The following KCNMA1 variants were observed in gnomAD, a reference collection of about 807,000 sequenced individuals.
KCNMA1 encodes the protein potassium calcium-activated channel subfamily M alpha 1, also known as Calcium-activated potassium channel subunit alpha-1.
Under a neutral mutation model 140.0 loss-of-function variants are expected in KCNMA1, and 29 were observed. The ratio of observed to expected loss-of-function variants is 0.21; its 90% CI spans 0.15 to 0.28. KCNMA1 has a LOEUF of 0.28. Among genes scored for constraint, KCNMA1 ranks in the 10% least tolerant of loss-of-function variants. The pLI is 1.00. For synonymous variants in KCNMA1, 612 were observed against 611.9 expected (o/e 1.00, Z 0.00); for missense variants, 880 against 1,602.2 (o/e 0.55, Z 7.70).
intron 1 of KCNMA1, among the ~76,000 whole-genome samples, chr10:77,500,813 T>G (rs941523838): frequency 6.6e-6 from 1 of 152,236 alleles, no homozygotes; most frequent in Non-Finnish European, 1.5e-5. Context: ...CTGGAATTTC[T>G]GCGTTAACTG....
intron 1 of KCNMA1, among the ~76,000 whole-genome samples, chr10:77,471,317 C>G (rs924994979): frequency 1.3e-5 from 2 of 151,156 alleles, no homozygotes; most frequent in Non-Finnish European, 3.0e-5. Flanking sequence ...ACAGTGCACA[C>G]CACACACAAC....
chr10:77,050,287 T>TAAAAAAAAAAAAAAAAAA (rs1469786570), intron 14 of KCNMA1, among the ~76,000 whole-genome samples: 1 of 142,954 alleles, frequency 7.0e-6, no homozygotes, highest in African/African-American at 2.6e-5. Context: ...AAAAAAAAAA[T>TAAAAAAAAAAAAAAAAAA]AAAAAAACAA....
At chr10:76,985,229 T>C (rs1489720558) in intron 19 of KCNMA1, among the ~76,000 whole-genome samples, 1 of 152,236 alleles carries the variant, frequency 6.6e-6, no homozygotes, top group East Asian at 1.9e-4. Context: ...CCAATTCTAA[T>C]ATGTAAAGCA....
intron 22 of KCNMA1, among the ~76,000 whole-genome samples, chr10:76,945,293 C>G (rs1242713804): frequency 2.0e-5 from 3 of 152,116 alleles, no homozygotes; most frequent in East Asian, 3.9e-4. Flanking sequence ...TTCTTCCTGC[C>G]TGGAAATTGT....
intron 13 of KCNMA1, among the ~76,000 whole-genome samples, chr10:77,074,407 T>C (rs1231845783): frequency 1.3e-5 from 2 of 152,218 alleles, no homozygotes; most frequent in Non-Finnish European, 2.9e-5. Flanking sequence ...AATGATCAAC[T>C]GAATAACTTC....
chr10:77,601,211 G>T (rs2082531976), intron 1 of KCNMA1, among the ~76,000 whole-genome samples: 1 of 152,096 alleles, frequency 6.6e-6, no homozygotes, highest in Admixed American at 6.5e-5. Flanking sequence ...AGGTCACTGG[G>T]GCTCACGTGG....
At chr10:76,923,438 A>G (rs1206625324) in intron 23 of KCNMA1, among the ~76,000 whole-genome samples, 2 of 152,040 alleles carry the variant, frequency 1.3e-5, no homozygotes, top group Non-Finnish European at 2.9e-5. Flanking sequence ...CAAAAAAAAA[A>G]AAAAAAAGAA....
Position 77,108,384 on chromosome 10 carries a change from G to A in KCNMA1, c.1223+97C>T. ...CGTAGCGGGCAAACATTGCCTACAT[G>A]CATGAAACAAAGAAACAAGAGCCAA... On this transcript the variant is annotated intron_variant, in intron 9 of 27. Coordinates refer to ENST00000286628, the MANE Select transcript of KCNMA1 (RefSeq NM_001161352.2). This position sits in a 1 kb window ranked among gnomAD's most constrained non-coding sequence, Gnocchi z 4.6. The A allele has an allele frequency of 6.3e-7, 1 of 1,590,690 alleles. No homozygotes were observed. The highest frequency in any genetic ancestry group is 8.5e-7 in the Non-Finnish European group (1 of 1,175,366).
intron 2 of KCNMA1, among the ~76,000 whole-genome samples, chr10:77,303,665 T>C (rs2077034359): frequency 6.6e-6 from 1 of 152,152 alleles, no homozygotes; most frequent in South Asian, 2.1e-4. Flanking sequence ...TGCTCTGACC[T>C]TGCCTGACCT....
chr10:77,421,017 T>C (rs12768649), intron 1 of KCNMA1, among the ~76,000 whole-genome samples: 20,266 of 152,316 alleles, frequency 0.13, 1,753 homozygotes, highest in Non-Finnish European at 0.18. Flanking sequence ...CCCTTGCTCT[T>C]AGGCAAAAGT....
At chr10:77,213,229 G>T (rs1337406803) in intron 3 of KCNMA1, among the ~76,000 whole-genome samples, 7 of 152,206 alleles carry the variant, frequency 4.6e-5, no homozygotes, top group African/African-American at 1.7e-4. Context: ...CTCTAACCCT[G>T]GCTGAATGGA....
intron 2 of KCNMA1, among the ~76,000 whole-genome samples, chr10:77,384,408 G>A (rs1487674279): frequency 6.6e-6 from 1 of 152,192 alleles, no homozygotes; most frequent in Non-Finnish European, 1.5e-5. Context: ...TTTCCCTGGT[G>A]CTCGGATCAT....
intron 24 of KCNMA1, chr10:76,912,254 G>A: frequency 6.6e-6 from 1 of 152,234 alleles, no homozygotes; most frequent in East Asian, 1.9e-4. Context: ...TGAAACAGCT[G>A]TAACACAGTC....
chr10:77,174,220 AG>A (rs1210868139), intron 5 of KCNMA1, among the ~76,000 whole-genome samples: 1 of 152,136 alleles, frequency 6.6e-6, no homozygotes, highest in East Asian at 1.9e-4. Context: ...AGGGTGGTAG[AG>A]GGTTCCTTTT....
intron 2 of KCNMA1, among the ~76,000 whole-genome samples, chr10:77,252,525 T>TTGTGTGTGTG (rs139774027): frequency 0.018 from 2,569 of 145,788 alleles, 72 homozygotes; most frequent in East Asian, 0.11. Context: ...TGATCAAGCT[T>TTGTGTGTGTG]TGTGTGTGTG....
chr10:77,012,083 C>G, intron 17 of KCNMA1, 40 bp from the exon 18 acceptor site: 1 of 1,612,204 alleles, frequency 6.2e-7, no homozygotes, highest in Non-Finnish European at 8.5e-7. Flanking sequence ...GTTTCATAAT[C>G]CACCCAAATG....
intron 23 of KCNMA1, among the ~76,000 whole-genome samples, chr10:76,943,192 G>C (rs542174836): frequency 6.6e-6 from 1 of 152,318 alleles, no homozygotes; most frequent in South Asian, 2.1e-4. Flanking sequence ...CGGGCAGGCC[G>C]CACAGGATGC....
intron 7 of KCNMA1, among the ~76,000 whole-genome samples, chr10:77,111,845 G>A (rs1420524186): frequency 6.6e-6 from 1 of 152,194 alleles, no homozygotes; most frequent in Non-Finnish European, 1.5e-5. Context: ...TTCGGGTGGT[G>A]TGAGGGGCTT....
Position 77,403,858 on chromosome 10 carries a change from T to A in KCNMA1, c.540+4A>T. 1 of 1,610,848 alleles carries A rather than the reference T, an allele frequency of 6.2e-7. No individual in the cohort carries two copies. Among genetic ancestry groups the A allele is most frequent in the Non-Finnish European group, 8.5e-7 (1 of 1,177,762 alleles). On this transcript the variant is annotated splice_donor_region_variant and intron_variant, in intron 2 of 27. Coordinates refer to ENST00000286628, the MANE Select transcript of KCNMA1 (RefSeq NM_001161352.2). ...CCTGGTGTGAGAAGTGGGTGGAGAC[T>A]CACCAGGACTCTGCCAGTCAGTGTC... is the stretch of plus-strand genomic sequence containing the variant.
Sources: gnomAD v4.1 joint callset for allele counts (sites outside exome capture counted in the v4.1 genomes callset) on GRCh38, gnomAD v4.1.1 for gene constraint, Gnocchi (gnomAD v3.1) non-coding constraint, MANE v1.5 for transcripts, NCBI Gene and HGNC (gene_info 2026-07-23, HGNC 2026-07-21) for gene names.